PLCB4: variants seen among roughly 807,000 people sequenced by gnomAD.
PLCB4 encodes 1-phosphatidylinositol 4,5-bisphosphate phosphodiesterase beta-4.
PLCB4 carries 77 observed loss-of-function variants against 178.8 expected under a neutral mutation model. The ratio of observed to expected loss-of-function variants is 0.43; its 90% confidence interval spans 0.36 to 0.52. The LOEUF (loss-of-function observed/expected upper bound fraction) is 0.52. PLCB4 is among the 20% of genes least tolerant of loss of function. The pLI, the probability that PLCB4 is intolerant of heterozygous loss-of-function variation, is 0.00. For missense variants in PLCB4, 1,024 were observed against 1,453.4 expected, an observed-to-expected ratio of 0.70 and a Z score of 4.80; for synonymous variants, 496 against 490.8, an observed-to-expected ratio of 1.01 and a Z score of -0.14.
In PLCB4 at chr20:9,169,423, T is replaced by TA. The variant is rs5840310; in HGVS notation, c.-78-47950dup. Among the ~76,000 whole-genome samples, 182 of 136,494 alleles carry TA rather than the reference T, an allele frequency of 1.3e-3. 1 individual carries two copies. The highest frequency in any genetic ancestry group is 4.3e-3 in the South Asian group (18 of 4,202). 89.5% of individuals were successfully genotyped at this position (136,494 alleles called of 152,430 possible). Reference sequence around the variant, plus strand: ...GCCAACATGGTGAAACCCCATCTCTTAAAAAAAAAAAAAAAAATTAGCCCG... The same window carrying TA: ...GCCAACATGGTGAAACCCCATCTCTTAAAAAAAAAAAAAAAAAATTAGCCCG... On this transcript the variant is annotated intron_variant, in intron 2 of 39. Transcript: ENST00000378473.
rs144545647 is a variant in PLCB4, at chr20:9,418,805, A to C, written c.2052-1002A>C. ...TGGTCTTCCAACCCATGAAGGCAAG[A>C]TGTCTTCCCATTTATTTAGCTCTTC... On this transcript the variant is annotated intron_variant, in intron 25 of 39. Transcript: ENST00000378473. Among the ~76,000 whole-genome samples the C allele has an allele frequency of 6.1e-3, 923 of 152,276 alleles. 8 individuals are homozygous for C. Among genetic ancestry groups the C allele is most frequent in the African/African-American group, 0.021 (878 of 41,568 alleles).
At chr20:9,455,086 G>C (rs1433280689) in intron 33 of PLCB4, among the ~76,000 whole-genome samples, 2 of 152,094 alleles carry the variant, frequency 1.3e-5, no homozygotes, top group African/African-American at 4.8e-5. Context: ...ATCAGCTTTG[G>C]CCTATTTCTT....
At chr20:9,290,776 A>C (rs1445917824) in intron 3 of PLCB4, among the ~76,000 whole-genome samples, 1 of 152,168 alleles carries the variant, frequency 6.6e-6, no homozygotes, top group Non-Finnish European at 1.5e-5. Context: ...CAGGAAGGAT[A>C]TATATGGTTA....
chr20:9,445,253 C>G (rs1162672950), intron 32 of PLCB4, among the ~76,000 whole-genome samples: 4 of 152,226 alleles, frequency 2.6e-5, no homozygotes, highest in Non-Finnish European at 4.4e-5. Flanking sequence ...AGGATAATGT[C>G]TGTCCTCTTT....
At chr20:9,197,358 T>A (rs2093485021) in intron 2 of PLCB4, among the ~76,000 whole-genome samples, 1 of 152,200 alleles carries the variant, frequency 6.6e-6, no homozygotes, top group Non-Finnish European at 1.5e-5. Context: ...CGTAGCCAGT[T>A]CAAGTTGAGA....
chr20:9,400,513 C>T (rs2038944527), intron 19 of PLCB4, among the ~76,000 whole-genome samples: 1 of 152,014 alleles, frequency 6.6e-6, no homozygotes, highest in South Asian at 2.1e-4. Context: ...TACTCATTTC[C>T]TTTCTGAATT....
At chr20:9,275,446 C>T (rs2147650284) in intron 3 of PLCB4, among the ~76,000 whole-genome samples, 1 of 152,088 alleles carries the variant, frequency 6.6e-6, no homozygotes, top group South Asian at 2.1e-4. Context: ...AACAGCATTA[C>T]CTGGTGGGGA....
chr20:9,251,491 G>A (rs545046454), intron 3 of PLCB4, among the ~76,000 whole-genome samples: 45 of 152,224 alleles, frequency 3.0e-4, no homozygotes, highest in South Asian at 2.1e-4. Flanking sequence ...TTGGCAACTC[G>A]GTAGTGGCAT....
At chr20:9,328,187 G>C (rs1487654677) in intron 4 of PLCB4, among the ~76,000 whole-genome samples, 2 of 152,208 alleles carry the variant, frequency 1.3e-5, no homozygotes, top group African/African-American at 4.8e-5. Flanking sequence ...CAGCGAAAAT[G>C]ATCTGTAAAG....
chr20:9,109,695 A>G (rs932103134), intron 2 of PLCB4, among the ~76,000 whole-genome samples: 1 of 152,216 alleles, frequency 6.6e-6, no homozygotes, highest in Admixed American at 6.5e-5. Flanking sequence ...AAAGCCTAAT[A>G]TAGTGAAGGG....
intron 4 of PLCB4, among the ~76,000 whole-genome samples, chr20:9,329,764 C>T (rs560333092): frequency 4.6e-5 from 7 of 152,290 alleles, no homozygotes; most frequent in South Asian, 2.1e-4. Flanking sequence ...CAGCTACAGC[C>T]GTGCCCTCTG....
At chr20:9,110,046 A>G (rs539985808) in intron 2 of PLCB4, among the ~76,000 whole-genome samples, 28 of 152,282 alleles carry the variant, frequency 1.8e-4, no homozygotes, top group South Asian at 1.7e-3. Context: ...AGAGTTTTTT[A>G]AAATTATTAT....
chr20:9,432,880 T>C (rs534722203), intron 28 of PLCB4, among the ~76,000 whole-genome samples: 39 of 152,310 alleles, frequency 2.6e-4, no homozygotes, highest in African/African-American at 9.1e-4. Flanking sequence ...CTCTAAGCAA[T>C]GGAGGTAGAC....
At chr20:9,322,405 T>G (rs945040099) in intron 4 of PLCB4, among the ~76,000 whole-genome samples, 3 of 152,236 alleles carry the variant, frequency 2.0e-5, no homozygotes, top group Non-Finnish European at 2.9e-5. Flanking sequence ...TTTGATAAAC[T>G]AACAAGGAGC....
chr20:9,127,678 CTAT>C (rs372035948), intron 2 of PLCB4, among the ~76,000 whole-genome samples: 40,714 of 146,164 alleles, frequency 0.28, 5,937 homozygotes, highest in Non-Finnish European at 0.33. Flanking sequence ...ATCTATCTAT[CTAT>C]CTATCCATCC....
chr20:9,127,533 C>T lies in PLCB4; in HGVS notation c.-79+31191C>T, dbSNP rs142604682. 2.0e-3 allele frequency among the ~76,000 whole-genome samples: 305 copies of T among 152,164 alleles called. 1 individual carries two copies. Among genetic ancestry groups the T allele is most frequent in the African/African-American group, 6.3e-3 (263 of 41,524 alleles). Reference sequence around the variant, plus strand: ...TCTATGGATGGTTTTCCTTGGGCCTCTCTTTGAAGATCTTTGAGGTAGGTC... The same window carrying T: ...TCTATGGATGGTTTTCCTTGGGCCTTTCTTTGAAGATCTTTGAGGTAGGTC... On this transcript the variant is annotated intron_variant, in intron 2 of 39. Transcript: ENST00000378473.
intron 3 of PLCB4, among the ~76,000 whole-genome samples, chr20:9,288,258 T>G (rs1330125267): frequency 6.6e-6 from 1 of 152,056 alleles, no homozygotes; most frequent in Non-Finnish European, 1.5e-5. Flanking sequence ...TTCACTAATT[T>G]TATTATAGCC....
intron 25 of PLCB4, among the ~76,000 whole-genome samples, chr20:9,413,219 C>T (rs1353204581): frequency 6.6e-6 from 1 of 152,124 alleles, no homozygotes; most frequent in East Asian, 1.9e-4. Context: ...CTTTCCTTGC[C>T]CACCTCAGCG....
Position 9,180,064 on chromosome 20 carries a change from A to T in PLCB4, c.-78-37326A>T, listed in dbSNP as rs547162854. Among the ~76,000 whole-genome samples the T allele has an allele frequency of 2.3e-3, 344 of 152,320 alleles. 3 individuals are homozygous for T. Among genetic ancestry groups the T allele is most frequent in the African/African-American group, 7.8e-3 (326 of 41,566 alleles). On this transcript the variant is annotated intron_variant, in intron 2 of 39. Transcript: ENST00000378473. ...CTTGTTTAGGAATGTTTAGTTCTAAATGCTAGACATAAATCAACATATGTT... is the reference window on the plus strand; with the variant it reads ...CTTGTTTAGGAATGTTTAGTTCTAATTGCTAGACATAAATCAACATATGTT...
Sources: allele counts gnomAD v4.1 joint callset (sites outside exome capture counted in the v4.1 genomes callset), GRCh38; gene constraint gnomAD v4.1.1; transcripts MANE v1.5; gene names NCBI Gene and HGNC (gene_info 2026-07-23, HGNC 2026-07-21).